ATP9B: variants seen among roughly 807,000 people sequenced by gnomAD.
ATP9B encodes the protein ATPase phospholipid transporting 9B.
In ATP9B, 110 loss-of-function variants were observed where a neutral mutation model predicts 146.1. That is an observed-to-expected ratio of 0.75 (90% CI 0.65 to 0.88). The LOEUF is 0.88. Among genes scored for constraint, ATP9B ranks in the 40% least tolerant of loss-of-function variants. ATP9B has a pLI of 0.00. For missense variants in ATP9B, 1,499 were observed against 1,496.4 expected (o/e 1.00, Z -0.03); for synonymous variants, 604 against 569.7 (o/e 1.06, Z -0.86).
chr18:79,086,143 T>C (rs780974970), intron 1 of ATP9B: 1 of 152,098 alleles, frequency 6.6e-6, no homozygotes, highest in Non-Finnish European at 1.5e-5. Context: ...GAATTTCCTT[T>C]AAAAGGCATC....
intron 15 of ATP9B, among the ~76,000 whole-genome samples, chr18:79,311,422 ACATCCC>A (rs1325022112): frequency 6.6e-6 from 1 of 152,122 alleles, no homozygotes; most frequent in Admixed American, 6.5e-5. Context: ...ACAGATATAA[ACATCCC>A]CTGATACGGT....
At chr18:79,276,171 G>A (rs549486296) in intron 12 of ATP9B, among the ~76,000 whole-genome samples, 3 of 152,270 alleles carry the variant, frequency 2.0e-5, no homozygotes, top group African/African-American at 7.2e-5. Context: ...GCCAGCAGCC[G>A]CATGAGCAGA....
chr18:79,224,487 T>C (rs1251646047), intron 11 of ATP9B, among the ~76,000 whole-genome samples: 1 of 152,108 alleles, frequency 6.6e-6, no homozygotes, highest in African/African-American at 2.4e-5. Context: ...CCAGGAGGAT[T>C]TCTGTGGGCT....
chr18:79,083,090 A>T (rs1344700668), intron 1 of ATP9B, among the ~76,000 whole-genome samples: 4 of 152,182 alleles, frequency 2.6e-5, no homozygotes, highest in African/African-American at 9.7e-5. Flanking sequence ...CCTTTCTTTC[A>T]GAGATGCCCT....
In ATP9B at chr18:79,239,067, C is replaced by G. The variant is rs1051883636; in HGVS notation, c.1108-14314C>G. Reference sequence around the variant, plus strand: ...AGGCAGGCTCAAGGAGAGCCTCCAGCCACTGAGCCCCAACCCCCAGTCATC... The same window carrying G: ...AGGCAGGCTCAAGGAGAGCCTCCAGGCACTGAGCCCCAACCCCCAGTCATC... On this transcript the variant is annotated intron_variant, in intron 11 of 29. Transcript: ENST00000426216. The surrounding 1 kb of genome is among the most constrained non-coding windows in gnomAD (Gnocchi z 5.1). 6.6e-6 allele frequency among the ~76,000 whole-genome samples: 1 copy of G among 152,122 alleles called. No homozygotes were observed. The highest frequency in any genetic ancestry group is 2.4e-5 in the African/African-American group (1 of 41,438).
At chr18:79,224,489 C>T (rs2095710279) in intron 11 of ATP9B, among the ~76,000 whole-genome samples, 1 of 152,132 alleles carries the variant, frequency 6.6e-6, no homozygotes, top group Non-Finnish European at 1.5e-5. Flanking sequence ...AGGAGGATTT[C>T]TGTGGGCTGC....
intron 11 of ATP9B, among the ~76,000 whole-genome samples, chr18:79,234,634 G>GCTTGCTGTGGGTT (rs2095823656): frequency 7.2e-6 from 1 of 138,634 alleles, no homozygotes; most frequent in Non-Finnish European, 1.7e-5. Context: ...TGCTGTGGGT[G>GCTTGCTGTGGGTT]TGCTGCTGTG....
intron 7 of ATP9B, among the ~76,000 whole-genome samples, chr18:79,165,105 C>T (rs757159001): frequency 6.6e-5 from 10 of 152,204 alleles, no homozygotes; most frequent in Admixed American, 4.6e-4. Flanking sequence ...CAGGCTTTCA[C>T]GTATTTTCCC....
intron 28 of ATP9B, 76 bp from the exon 29 acceptor site, chr18:79,375,317 CT>C (rs772812357): frequency 1.5e-6 from 2 of 1,320,972 alleles, no homozygotes; most frequent in Non-Finnish European, 1.1e-6. Context: ...ATTTCTTATT[CT>C]TTTGCTAACC....
intron 15 of ATP9B, among the ~76,000 whole-genome samples, chr18:79,314,882 G>A (rs936234581): frequency 2.0e-5 from 3 of 152,208 alleles, no homozygotes; most frequent in African/African-American, 4.8e-5. Context: ...ACAGAAGCTC[G>A]GTGGGCAGAG....
At chr18:79,155,399 T>G (rs1408323710) in intron 7 of ATP9B, among the ~76,000 whole-genome samples, 1 of 152,222 alleles carries the variant, frequency 6.6e-6, no homozygotes, top group African/African-American at 2.4e-5. Flanking sequence ...ATAGAAAATC[T>G]GTTGGAAATT....
chr18:79,255,279 G>A (rs2096066934), intron 12 of ATP9B: 1 of 152,222 alleles, frequency 6.6e-6, no homozygotes, highest in Admixed American at 6.5e-5. Flanking sequence ...AAAGTAACCT[G>A]CCTTTTTTAT....
chr18:79,312,504 C>T (rs1307731031), intron 15 of ATP9B, among the ~76,000 whole-genome samples: 4 of 152,314 alleles, frequency 2.6e-5, no homozygotes, highest in African/African-American at 9.6e-5. Flanking sequence ...ACGCGGGACT[C>T]CCATGTGTCT....
At chr18:79,345,298 G>A (rs1164721579) in intron 21 of ATP9B, 130 bp from the exon 22 acceptor site, 1 of 1,120,626 alleles carries the variant, frequency 8.9e-7, no homozygotes, top group South Asian at 1.5e-5. Context: ...ATGATTCACA[G>A]AAAACTGAAA....
chr18:79,231,803 T>TATATATATATATATATACACACACAC (rs569726473), intron 11 of ATP9B, among the ~76,000 whole-genome samples: 32 of 114,742 alleles, frequency 2.8e-4, no homozygotes, highest in African/African-American at 1.1e-3. Context: ...TATATATATA[T>TATATATATATATATATACACACACAC]ACACACACAC....
At chr18:79,091,828 A>G (rs999831841) in intron 1 of ATP9B, among the ~76,000 whole-genome samples, 1 of 152,184 alleles carries the variant, frequency 6.6e-6, no homozygotes, top group Non-Finnish European at 1.5e-5. Flanking sequence ...AACAGTGGTG[A>G]CAGTGGGCTG....
intron 1 of ATP9B, among the ~76,000 whole-genome samples, chr18:79,095,986 A>C (rs1421007085): frequency 1.3e-5 from 2 of 152,224 alleles, no homozygotes; most frequent in Non-Finnish European, 2.9e-5. Flanking sequence ...ACTGTCAGCA[A>C]ACCAAGGGAT....
chr18:79,329,907 T>C (rs1426249957), intron 16 of ATP9B, 105 bp from the exon 17 acceptor site: 1 of 1,010,280 alleles, frequency 9.9e-7, no homozygotes, highest in Non-Finnish European at 1.5e-6. Context: ...CAGGAACACA[T>C]TCATAGGAAT....
intron 7 of ATP9B, among the ~76,000 whole-genome samples, chr18:79,156,834 G>A (rs2094790529): frequency 6.6e-6 from 1 of 152,126 alleles, no homozygotes; most frequent in Non-Finnish European, 1.5e-5. Context: ...TGGGTAGGCT[G>A]CCTTCATAGT....
Sources: allele counts gnomAD v4.1 joint callset (sites outside exome capture counted in the v4.1 genomes callset), GRCh38; gene constraint gnomAD v4.1.1; non-coding constraint Gnocchi (gnomAD v3.1); transcripts MANE v1.5; gene names NCBI Gene and HGNC (gene_info 2026-07-23, HGNC 2026-07-21).